Variants in CNTRL observed in about 807,000 individuals in gnomAD.
The protein encoded by CNTRL is 110 kDa centrosomal protein.
In CNTRL, 233 loss-of-function variants were observed where a neutral mutation model predicts 303.7. The observed-to-expected ratio is 0.77, with a 90% confidence interval of 0.69 to 0.86. The LOEUF (loss-of-function observed/expected upper bound fraction) is 0.86. Among genes scored for constraint, CNTRL ranks in the 40% least tolerant of loss-of-function variants. The pLI is 0.00. For missense variants in CNTRL, 2,524 were observed against 2,650.6 expected, an observed-to-expected ratio of 0.95 and a Z score of 1.05; for synonymous variants, 900 against 922.2, an observed-to-expected ratio of 0.98 and a Z score of 0.44.
chr9:121,162,404 C>T, intron 34 of CNTRL, 133 bp downstream of exon 34: 1 of 735,404 alleles, frequency 1.4e-6, no homozygotes, highest in Non-Finnish European at 2.3e-6. Flanking sequence ...TACATTTTGC[C>T]AGTTGCATTT....
chr9:121,164,022 G>A (rs1376736408), intron 34 of CNTRL, among the ~76,000 whole-genome samples: 5 of 151,926 alleles, frequency 3.3e-5, no homozygotes, highest in Admixed American at 2.0e-4. Flanking sequence ...CCGTCACCAC[G>A]CCTGGCTAAT....
At chr9:121,168,396 A>G in intron 38 of CNTRL, 75 bp downstream of exon 38, 1 of 1,356,422 alleles carries the variant, frequency 7.4e-7, no homozygotes, top group Non-Finnish European at 1.0e-6. Context: ...AAAGTATTTA[A>G]AGAGATCCGG....
In CNTRL at chr9:121,148,875, C is replaced by T; in HGVS notation, c.3649+14C>T. On this transcript the variant is annotated intron_variant, in intron 24 of 43. Coordinates refer to ENST00000373855, the MANE Select transcript of CNTRL (RefSeq NM_007018.6). ...TTCCAAGTAGAGGTAAGTCAAATCA[C>T]ATAGGAAAGTTGCATTTCTCTTGCC... is the stretch of plus-strand genomic sequence containing the variant. 1 of 1,606,358 alleles carries T rather than the reference C, an allele frequency of 6.2e-7. No individual in the cohort carries two copies. The highest frequency in any genetic ancestry group is 1.1e-5 in the South Asian group (1 of 90,670).
In CNTRL at chr9:121,160,147, T is replaced by TA; in HGVS notation, c.4938dup (p.Ser1647IlefsTer18). ...CTTTTTTTTTTTCAAACACAGGAAG[T>TA]AAAATCTCTTCTGGAAGAACTGAGT... On this transcript the variant is annotated frameshift_variant, in exon 32 of 44. Transcript: ENST00000373855. LOFTEE classifies it high-confidence loss of function. 1 of 1,468,802 alleles carries TA rather than the reference T, an allele frequency of 6.8e-7. No individual in the cohort carries two copies. The highest frequency in any genetic ancestry group is 9.0e-7 in the Non-Finnish European group (1 of 1,113,424). The allele number at this position is 1,468,802 out of a possible 1,614,324, so 91.0% of individuals were successfully genotyped here. A position where few individuals can be genotyped will look rare whatever the true frequency, so the allele number is the denominator to read the frequency against.
intron 6 of CNTRL, among the ~76,000 whole-genome samples, chr9:121,096,968 G>GT (rs537212879): frequency 0.092 from 13,140 of 142,584 alleles, 608 homozygotes; most frequent in Non-Finnish European, 0.12. Context: ...AAAGTTCTGG[G>GT]TTTTTTTTTT....
At chr9:121,165,957 C>T in intron 35 of CNTRL, 150 bp from the exon 36 acceptor site, 1 of 619,942 alleles carries the variant, frequency 1.6e-6, no homozygotes, top group Non-Finnish European at 2.8e-6. Context: ...ATGTAACTCT[C>T]TTTTGGCCTT....
chr9:121,076,837 G>A (rs2047945193), intron 1 of CNTRL, among the ~76,000 whole-genome samples: 1 of 152,156 alleles, frequency 6.6e-6, no homozygotes, highest in Admixed American at 6.5e-5. Context: ...AAGTATTTCA[G>A]TAGGTCAGAG....
Position 121,094,985 on chromosome 9 carries a change from T to G in CNTRL, c.446T>G (p.Leu149Ter), listed in dbSNP as rs932273796. The change falls in exon 5 of 44, where the codon TTA becomes TGA. Residue 149 changes from leucine (L) to a stop codon, truncating the protein, a stop_gained. Transcript: ENST00000373855. LOFTEE classifies it high-confidence loss of function. ...KIEKLDKLLK[L>*]RELNLSYNKI... ...GAAAAGTTGGACAAGCTGTTAAAAT[T>G]ACGTGAACTCAACTTATCATATAAC... 2 of 1,608,698 alleles carry G rather than the reference T, an allele frequency of 1.2e-6. No homozygotes were observed. The highest frequency in any genetic ancestry group is 1.3e-5 in the African/African-American group (1 of 74,646).
chr9:121,130,412 T>G (rs1052209436), intron 14 of CNTRL, among the ~76,000 whole-genome samples: 3 of 152,234 alleles, frequency 2.0e-5, no homozygotes, highest in Non-Finnish European at 4.4e-5. Flanking sequence ...TCTAGTTTAT[T>G]TGCATAAAGG....
At chr9:121,166,034 T>C (rs976274300) in intron 35 of CNTRL, 73 bp from the exon 36 acceptor site, 2 of 1,135,438 alleles carry the variant, frequency 1.8e-6, no homozygotes, top group East Asian at 5.0e-5. Flanking sequence ...CTCTACTTTT[T>C]GGGAATGCTA....
intron 11 of CNTRL, among the ~76,000 whole-genome samples, chr9:121,117,614 G>A (rs1318819719): frequency 6.6e-6 from 1 of 152,106 alleles, no homozygotes; most frequent in East Asian, 1.9e-4. Context: ...AATTTTCCAT[G>A]ATTCAGTTTC....
At chr9:121,095,100 A>T in intron 5 of CNTRL, 82 bp downstream of exon 5, 1 of 1,044,882 alleles carries the variant, frequency 9.6e-7, no homozygotes. Flanking sequence ...ACATTACTGA[A>T]AGAATGATTT....
chr9:121,167,502 C>T lies in CNTRL; in HGVS notation c.5669C>T (p.Thr1890Ile). ...LNLAKQDLLH[T>I]TKHQDVLLSE... ...TTTCACCTAAAGGACCTGCTTCACA[C>T]CACCAAGCATCAGGATGTGTTGCTC... Residue 1890 changes from threonine to isoleucine, a missense_variant, in exon 37 of 44, where the codon ACC becomes ATC. Coordinates refer to ENST00000373855, the MANE Select transcript of CNTRL (RefSeq NM_007018.6). 6.2e-7 allele frequency: 1 copy of T among 1,613,312 alleles called. No homozygotes were observed. Among genetic ancestry groups the T allele is most frequent in the Non-Finnish European group, 8.5e-7 (1 of 1,179,702 alleles).
rs1442077783 is a variant in CNTRL, at chr9:121,150,384, T to C, written c.3864T>C (p.Ala1288=). Residue 1288 remains alanine, a synonymous_variant, in exon 25 of 44, where the codon GCT becomes GCC. Coordinates refer to ENST00000373855, the MANE Select transcript of CNTRL (RefSeq NM_007018.6). The part of the protein sequence containing the change: ...PGTVVYGPPP[A]GAPMVYGPPP... The stretch of plus-strand genomic sequence containing the variant: ...CTGTTGTTTATGGCCCACCTCCTGC[T>C]GGGGCCCCCATGGTGTATGGGCCTC... 1 of 1,614,040 alleles carries C rather than the reference T, an allele frequency of 6.2e-7. No individual in the cohort carries two copies. The highest frequency in any genetic ancestry group is 8.5e-7 in the Non-Finnish European group (1 of 1,180,016).
chr9:121,105,058 C>T (rs1161801065), intron 7 of CNTRL, among the ~76,000 whole-genome samples: 1 of 152,074 alleles, frequency 6.6e-6, no homozygotes, highest in African/African-American at 2.4e-5. Flanking sequence ...ATTTTTGATA[C>T]AGAGAATGAT....
chr9:121,149,217 C>T (rs1348443823), intron 24 of CNTRL, among the ~76,000 whole-genome samples: 1 of 152,146 alleles, frequency 6.6e-6, no homozygotes, highest in African/African-American at 2.4e-5. Context: ...TAATCTCATC[C>T]TCCTAAAATG....
chr9:121,083,570 A>G (rs2048230970), intron 2 of CNTRL, among the ~76,000 whole-genome samples: 1 of 152,188 alleles, frequency 6.6e-6, no homozygotes, highest in Non-Finnish European at 1.5e-5. Context: ...TACCTCTTGA[A>G]GGACCTACCT....
At position 121,115,207 on chromosome 9, in the gene CNTRL, A is replaced by G. The variant is rs1388124375; in HGVS notation, c.1455+7A>G. 2.1e-6 allele frequency: 3 copies of G among 1,449,830 alleles called. No homozygotes were observed. Among genetic ancestry groups the G allele is most frequent in the Non-Finnish European group, 9.6e-7 (1 of 1,038,544 alleles). 89.8% of individuals were successfully genotyped at this position (1,449,830 alleles called of 1,614,324 possible). ...AGCTATACAACTAAAAAAGGTATGT[A>G]AAAGCAAAGCAGCAATGCTAAGAGG... On this transcript the variant is annotated splice_region_variant and intron_variant, in intron 11 of 43. Transcript: ENST00000373855.
intron 34 of CNTRL, among the ~76,000 whole-genome samples, chr9:121,162,710 A>T (rs1350155565): frequency 1.3e-5 from 2 of 152,198 alleles, no homozygotes; most frequent in African/African-American, 4.8e-5. Context: ...TAGAATTTAT[A>T]CAATTTTTTA....
Sources: gnomAD v4.1 joint callset for allele counts (sites outside exome capture counted in the v4.1 genomes callset) on GRCh38, gnomAD v4.1.1 for gene constraint, MANE v1.5 for transcripts, NCBI Gene and HGNC (gene_info 2026-07-23, HGNC 2026-07-21) for gene names.